TASP1: variants seen among roughly 807,000 people sequenced by gnomAD.
The protein encoded by TASP1 is threonine aspartase 1.
Under a neutral mutation model 56.6 loss-of-function variants are expected in TASP1, and 16 were observed. The observed-to-expected ratio is 0.28, with a 90% CI of 0.19 to 0.43. The LOEUF (loss-of-function observed/expected upper bound fraction) is 0.43. TASP1 is among the 20% of genes least tolerant of loss of function. TASP1 has a pLI of 1.00. For synonymous variants in TASP1, 179 were observed against 184.2 expected (o/e 0.97, Z 0.23); for missense variants, 393 against 511.6 (o/e 0.77, Z 2.24).
chr20:13,381,195 C>T, the TASP1 span, among the ~76,000 whole-genome samples: 1 of 152,166 alleles, frequency 6.6e-6, no homozygotes, highest in African/African-American at 2.4e-5. Flanking sequence ...AAACTCAGGG[C>T]CCTGGTGGTA....
At chr20:13,571,938 T>C (rs2046730326) in intron 6 of TASP1, among the ~76,000 whole-genome samples, 1 of 152,078 alleles carries the variant, frequency 6.6e-6, no homozygotes, top group Admixed American at 6.6e-5. Context: ...AAATGGGAAA[T>C]TCCTTCACAT....
At position 13,401,318 on chromosome 20, in the gene TASP1, G is replaced by A. The variant is rs1230608440; in HGVS notation, c.1171-10866C>T. Reference sequence around the variant, plus strand: ...TTTGATCTTAAATCTGGAGATTACTGGGAAGAAAGGACAGTGGGAACAAAA... The same window carrying A: ...TTTGATCTTAAATCTGGAGATTACTAGGAAGAAAGGACAGTGGGAACAAAA... On this transcript the variant is annotated intron_variant, in intron 13 of 13. Transcript: ENST00000337743. Among the ~76,000 whole-genome samples, 4 of 152,046 alleles carry A rather than the reference G, an allele frequency of 2.6e-5. No homozygotes were observed. The East Asian group carries it at 5.8e-4, about 22-fold the overall frequency.
At position 13,437,493 on chromosome 20, in the gene TASP1, T is replaced by A. The variant is rs138311031; in HGVS notation, c.986-2339A>T. Among the ~76,000 whole-genome samples the A allele has an allele frequency of 4.5e-3, 692 of 152,284 alleles. 3 individuals are homozygous for A. Among genetic ancestry groups the A allele is most frequent in the East Asian group, 0.012 (60 of 5,184 alleles). On this transcript the variant is annotated intron_variant, in intron 11 of 13. Transcript: ENST00000337743. ...TCACCACTTCTATTCAACATAGTGT[T>A]GGAAGTTCTGGCCAGGGCAATCAGG...
At chr20:13,182,349 C>G in the TASP1 span, among the ~76,000 whole-genome samples, 2 of 152,124 alleles carry the variant, frequency 1.3e-5, no homozygotes, top group Admixed American at 1.3e-4. Context: ...ATTATCTGCT[C>G]TCATATATTT....
intron 4 of TASP1, among the ~76,000 whole-genome samples, chr20:13,597,215 C>T (rs140392869): frequency 6.6e-4 from 101 of 152,210 alleles, no homozygotes; most frequent in Middle Eastern, 6.8e-3. Flanking sequence ...CAAAGCCTGG[C>T]GGAGACACAA....
the TASP1 span, chr20:13,221,720 T>A: frequency 4.5e-6 from 6 of 1,322,548 alleles, no homozygotes; most frequent in Non-Finnish European, 4.8e-6. Flanking sequence ...TCCCCCGGCG[T>A]CACCGCCGCC....
the TASP1 span, among the ~76,000 whole-genome samples, chr20:13,190,268 G>T: frequency 2.6e-5 from 4 of 152,190 alleles, no homozygotes; most frequent in East Asian, 7.7e-4. Context: ...ACCTGCATGT[G>T]TATCCCTTGC....
At chr20:13,408,846 G>C (rs921771241) in intron 13 of TASP1, among the ~76,000 whole-genome samples, 1 of 151,874 alleles carries the variant, frequency 6.6e-6, no homozygotes, top group African/African-American at 2.4e-5. Context: ...CTTGCTATTG[G>C]TAATTTGTGG....
intron 11 of TASP1, among the ~76,000 whole-genome samples, chr20:13,457,052 A>T (rs1451601968): frequency 1.3e-5 from 2 of 152,014 alleles, no homozygotes; most frequent in East Asian, 1.9e-4. Context: ...GTTCTCACTC[A>T]TAGGTGGGAA....
the TASP1 span, among the ~76,000 whole-genome samples, chr20:13,145,064 C>A: frequency 6.6e-6 from 1 of 151,962 alleles, no homozygotes; most frequent in Non-Finnish European, 1.5e-5. Context: ...TGTGAGCCAC[C>A]GCACCTGGCC....
chr20:13,582,190 G>T (rs1403157634), intron 5 of TASP1, among the ~76,000 whole-genome samples: 1 of 150,422 alleles, frequency 6.6e-6, no homozygotes, highest in African/African-American at 2.4e-5. Flanking sequence ...TATAGTTCTA[G>T]ATGTGATGAT....
At chr20:13,587,586 G>T (rs1200105873) in intron 4 of TASP1, among the ~76,000 whole-genome samples, 1 of 151,850 alleles carries the variant, frequency 6.6e-6, no homozygotes, top group African/African-American at 2.4e-5. Flanking sequence ...AAACATCAAA[G>T]AAATAGCAGC....
chr20:13,385,239 A>G (rs2041155849), downstream of TASP1, among the ~76,000 whole-genome samples: 1 of 152,220 alleles, frequency 6.6e-6, no homozygotes, highest in Non-Finnish European at 1.5e-5. Context: ...AGCTTCTTCC[A>G]ACTACCGTTA....
chr20:13,257,657 C>G, the TASP1 span, among the ~76,000 whole-genome samples: 3 of 151,928 alleles, frequency 2.0e-5, no homozygotes, highest in Admixed American at 6.6e-5. Flanking sequence ...AGTCATTACA[C>G]TGCACAAGTA....
intron 11 of TASP1, among the ~76,000 whole-genome samples, chr20:13,436,231 G>A (rs2042996225): frequency 6.6e-6 from 1 of 152,118 alleles, no homozygotes; most frequent in South Asian, 2.1e-4. Flanking sequence ...CAGGGGTACA[G>A]GGTAGAGAGG....
intron 10 of TASP1, among the ~76,000 whole-genome samples, chr20:13,518,328 C>T (rs1396520975): frequency 6.6e-6 from 1 of 151,122 alleles, no homozygotes; most frequent in Non-Finnish European, 1.5e-5. Context: ...AACTCCTTGA[C>T]TAGTTTTGCC....
At chr20:13,490,520 A>G (rs1349357493) in intron 10 of TASP1, among the ~76,000 whole-genome samples, 2 of 152,212 alleles carry the variant, frequency 1.3e-5, no homozygotes, top group African/African-American at 4.8e-5. Flanking sequence ...TCTCTAGTGG[A>G]TACATTAGCT....
downstream of TASP1, among the ~76,000 whole-genome samples, chr20:13,386,598 C>T (rs887726980): frequency 6.6e-6 from 1 of 152,150 alleles, no homozygotes; most frequent in African/African-American, 2.4e-5. Flanking sequence ...TTCCCTCCTT[C>T]CATCCAGTGT....
the TASP1 span, among the ~76,000 whole-genome samples, chr20:13,298,744 G>A: frequency 6.6e-6 from 1 of 152,100 alleles, no homozygotes; most frequent in Non-Finnish European, 1.5e-5. Context: ...ACGTGAGAAC[G>A]GCCATCCACT....
Sources: allele counts gnomAD v4.1 joint callset (sites outside exome capture counted in the v4.1 genomes callset), GRCh38; gene constraint gnomAD v4.1.1; transcripts MANE v1.5; gene names NCBI Gene and HGNC (gene_info 2026-07-23, HGNC 2026-07-21).